The following SPDYA variants were observed in gnomAD, a reference collection of about 807,000 sequenced individuals.
SPDYA encodes speedy protein A.
SPDYA carries 11 observed loss-of-function variants against 36.7 expected under a neutral mutation model. The observed-to-expected ratio is 0.30, with a 90% confidence interval of 0.19 to 0.50. The LOEUF is 0.50. Among genes scored for constraint, SPDYA ranks in the 20% least tolerant of loss-of-function variants. SPDYA has a pLI of 0.98. For missense variants in SPDYA, 287 were observed against 370.9 expected, an observed-to-expected ratio of 0.77 and a Z score of 1.86; for synonymous variants, 115 against 118.7, an observed-to-expected ratio of 0.97 and a Z score of 0.20.
chr2:28,826,955 T>C lies in SPDYA; in HGVS notation c.381-2193T>C, dbSNP rs1054604475. On this transcript the variant is annotated intron_variant, in intron 5 of 7. Transcript: ENST00000334056. ...TTTCTTTTTTCTTTTCTTTCTTTTT[T>C]TTTTTTTTTTTTTTAAGAAGGAGTC... Among the ~76,000 whole-genome samples, 29 of 147,528 alleles carry C rather than the reference T, an allele frequency of 2.0e-4. 1 individual carries two copies. In the East Asian group the frequency reaches 2.9e-3, roughly 15 times the overall value.
Position 28,840,473 on chromosome 2 carries a change from T to C in SPDYA, c.850+4T>C. ...CAAGCTTATACTGGTTCTGAAGGTA[T>C]GATTTAGTAATATGCCAGAATTAGA... is the stretch of plus-strand genomic sequence containing the variant. On this transcript the variant is annotated splice_donor_region_variant and intron_variant, in intron 7 of 7. Transcript: ENST00000334056. 3 of 1,613,038 alleles carry C rather than the reference T, an allele frequency of 1.9e-6. No individual in the cohort carries two copies. Among genetic ancestry groups the C allele is most frequent in the South Asian group, 2.2e-5 (2 of 90,792 alleles).
rs746013880 is a variant in SPDYA at position 28,822,796 on chromosome 2, C to G, written c.380+386C>G. On this transcript the variant is annotated intron_variant, in intron 5 of 7. Coordinates refer to ENST00000334056, the MANE Select transcript of SPDYA (RefSeq NM_182756.4). The stretch of plus-strand genomic sequence containing the variant: ...CTAATTTTTGTATTTTTAGTAGAGA[C>G]GGGGTTTCACCATGTTGGCCAGGAT... Among the ~76,000 whole-genome samples the G allele has an allele frequency of 2.6e-5, 4 of 152,136 alleles. No individual in the cohort carries two copies. In the East Asian group the frequency reaches 5.8e-4, roughly 22 times the overall value.
At chr2:28,834,081 AACACACACAC>A (rs56865803) in intron 6 of SPDYA, among the ~76,000 whole-genome samples, 47 of 146,974 alleles carry the variant, frequency 3.2e-4, no homozygotes, top group East Asian at 1.0e-3. Flanking sequence ...AAATTGCTAA[AACACACACAC>A]ACACACACAC....
intron 7 of SPDYA, among the ~76,000 whole-genome samples, chr2:28,841,079 CAT>C (rs1409254367): frequency 6.6e-6 from 1 of 151,838 alleles, no homozygotes. Flanking sequence ...GGATTACAGA[CAT>C]GTGCCACCAT....
rs1401277255 is a variant in SPDYA at position 28,822,401 on chromosome 2, T to G, written c.371T>G (p.Phe124Cys). ...AGTGAGCATACCAGGATAAATTTCTTTATTGCTCTGTAAGTATACTTTCTA... is the reference window on the plus strand; with the variant it reads ...AGTGAGCATACCAGGATAAATTTCTGTATTGCTCTGTAAGTATACTTTCTA... ...TISEHTRINF[F>C]IALYLANTVE... is the part of the protein sequence containing the mutation. The change falls in exon 5 of 8, where the codon TTT becomes TGT. Residue 124 changes from phenylalanine (F) to cysteine (C), a missense_variant. Physicochemically the swap from Phe to Cys is radical, Grantham distance 205 (BLOSUM62 -2). Transcript: ENST00000334056. 1 of 1,533,094 alleles carries G rather than the reference T, an allele frequency of 6.5e-7. No homozygotes were observed. Among genetic ancestry groups the G allele is most frequent in the Non-Finnish European group, 8.9e-7 (1 of 1,124,360 alleles). The allele number at this position is 1,533,094 out of a possible 1,614,324, so 95.0% of individuals were successfully genotyped here.
intron 6 of SPDYA, among the ~76,000 whole-genome samples, chr2:28,836,191 G>A (rs1002870620): frequency 6.6e-6 from 1 of 152,188 alleles, no homozygotes; most frequent in South Asian, 2.1e-4. Context: ...ACTGAGGACC[G>A]AGGAGGCTGG....
At chr2:28,812,469 A>AAAAAGAAAG (rs147136234) in intron 1 of SPDYA, among the ~76,000 whole-genome samples, 1 of 149,158 alleles carries the variant, frequency 6.7e-6, no homozygotes, top group African/African-American at 2.5e-5. Context: ...TACCAAAAAA[A>AAAAAGAAAG]AAAGAAAGAA....
chr2:28,822,458 A>T (rs762221828), intron 5 of SPDYA, 48 bp downstream of exon 5: 5 of 902,778 alleles, frequency 5.5e-6, no homozygotes, highest in Non-Finnish European at 3.3e-6. Context: ...TATTATATAC[A>T]TTACACCTTA....
chr2:28,828,790 A>G (rs1668400599), intron 5 of SPDYA, among the ~76,000 whole-genome samples: 1 of 152,228 alleles, frequency 6.6e-6, no homozygotes, highest in African/African-American at 2.4e-5. Flanking sequence ...TTCATGGAGC[A>G]TTGAGAAGAG....
chr2:28,829,378 C>T (rs1572503618), intron 6 of SPDYA, 59 bp downstream of exon 6: 2 of 1,499,642 alleles, frequency 1.3e-6, no homozygotes, highest in Non-Finnish European at 1.8e-6. Flanking sequence ...TCTTATTATC[C>T]TTGTTTTTTA....
chr2:28,819,873 TA>T, intron 4 of SPDYA, among the ~76,000 whole-genome samples: 1 of 18,998 alleles, frequency 5.3e-5, no homozygotes, highest in Non-Finnish European at 1.1e-4. Context: ...TATATATATA[TA>T]TATATATATA....
chr2:28,850,386 A>AGCAACATAGGGAAATGATCC lies in SPDYA; in HGVS notation c.*445_*446insGCAACATAGGGAAATGATCC. The AGCAACATAGGGAAATGATCC allele has an allele frequency of 6.2e-7, 1 of 1,607,198 alleles. No homozygotes were observed. The highest frequency in any genetic ancestry group is 8.5e-7 in the Non-Finnish European group (1 of 1,176,532). ...CAACATAGGGAAATGATCCATATGG[A>AGCAACATAGGGAAATGATCC]AAATCAGAATGCGATTCTTCTGTTG... On this transcript the variant is annotated 3_prime_UTR_variant, in exon 8 of 8. Coordinates refer to ENST00000334056, the MANE Select transcript of SPDYA (RefSeq NM_182756.4).
At chr2:28,841,669 G>T (rs927813637) in intron 7 of SPDYA, among the ~76,000 whole-genome samples, 8 of 152,300 alleles carry the variant, frequency 5.3e-5, no homozygotes, top group African/African-American at 1.7e-4. Context: ...TAGACTCTAA[G>T]ATTCTTGAAG....
At chr2:28,834,512 T>C (rs1336313985) in intron 6 of SPDYA, among the ~76,000 whole-genome samples, 1 of 152,170 alleles carries the variant, frequency 6.6e-6, no homozygotes, top group South Asian at 2.1e-4. Context: ...ATAAGGTATA[T>C]CCCTACAATA....
At chr2:28,849,730 C>T (rs1197100784) in intron 7 of SPDYA, 120 bp from the exon 8 acceptor site, 1 of 577,478 alleles carries the variant, frequency 1.7e-6, no homozygotes, top group Non-Finnish European at 3.0e-6. Context: ...AGTTTCCCCC[C>T]ATTATTTACT....
intron 1 of SPDYA, among the ~76,000 whole-genome samples, chr2:28,812,809 A>T (rs1667881634): frequency 6.8e-6 from 1 of 146,382 alleles, no homozygotes; most frequent in Admixed American, 7.1e-5. Flanking sequence ...GTGAGCCGAG[A>T]TCGAGCCATT....
intron 7 of SPDYA, among the ~76,000 whole-genome samples, chr2:28,846,897 C>T (rs1668892002): frequency 6.6e-6 from 1 of 152,158 alleles, no homozygotes; most frequent in Non-Finnish European, 1.5e-5. Context: ...AAGGGCAGAA[C>T]TTTTCTTGGC....
intron 6 of SPDYA, among the ~76,000 whole-genome samples, chr2:28,838,655 A>C (rs1668671870): frequency 6.6e-6 from 1 of 152,166 alleles, no homozygotes; most frequent in Non-Finnish European, 1.5e-5. Flanking sequence ...ATGTGGAGAG[A>C]CTATGATGAA....
At chr2:28,836,095 C>T (rs1216823524) in intron 6 of SPDYA, among the ~76,000 whole-genome samples, 1 of 152,200 alleles carries the variant, frequency 6.6e-6, no homozygotes, top group East Asian at 1.9e-4. Context: ...TACATTTGCA[C>T]AGTGCTTTAC....
Sources: gnomAD v4.1 joint callset for allele counts (sites outside exome capture counted in the v4.1 genomes callset) on GRCh38, gnomAD v4.1.1 for gene constraint, MANE v1.5 for transcripts, NCBI Gene and HGNC (gene_info 2026-07-23, HGNC 2026-07-21) for gene names.